The following LRP6 variants were observed in gnomAD, a reference collection of about 807,000 sequenced individuals.
LRP6 encodes the protein LDL receptor related protein 6.
Under a neutral mutation model 184.1 loss-of-function variants are expected in LRP6, and 43 were observed. The observed-to-expected ratio is 0.23, with a 90% confidence interval of 0.18 to 0.30. LRP6 has a LOEUF of 0.30. Among genes scored for constraint, LRP6 ranks in the 10% least tolerant of loss-of-function variants. The pLI is 1.00. For synonymous variants in LRP6, 719 were observed against 684.9 expected, an observed-to-expected ratio of 1.05 and a Z score of -0.78; for missense variants, 1,571 against 2,005.3, an observed-to-expected ratio of 0.78 and a Z score of 4.14.
At chr12:12,185,147 A>G (rs1177071604) in intron 4 of LRP6, among the ~76,000 whole-genome samples, 1 of 152,082 alleles carries the variant, frequency 6.6e-6, no homozygotes, top group African/African-American at 2.4e-5. Context: ...AAAAATACTA[A>G]AATTAGCCAG....
chr12:12,180,732 T>C (rs1408982029), intron 6 of LRP6, among the ~76,000 whole-genome samples: 3 of 151,974 alleles, frequency 2.0e-5, no homozygotes, highest in Non-Finnish European at 4.4e-5. Flanking sequence ...AGGGAAAGAG[T>C]TCTGAAAACA....
At chr12:12,205,885 G>A (rs1013772510) in intron 2 of LRP6, among the ~76,000 whole-genome samples, 5 of 152,176 alleles carry the variant, frequency 3.3e-5, no homozygotes, top group Non-Finnish European at 7.4e-5. Flanking sequence ...ATTAATACAG[G>A]ATAAAACTGT....
chr12:12,249,842 C>T (rs946736857), intron 1 of LRP6, among the ~76,000 whole-genome samples: 2 of 152,176 alleles, frequency 1.3e-5, no homozygotes, highest in Non-Finnish European at 2.9e-5. Flanking sequence ...ATCTCTACCT[C>T]CCGTTAAATT....
At chr12:12,177,052 T>C (rs1863207072) in intron 7 of LRP6, among the ~76,000 whole-genome samples, 1 of 152,056 alleles carries the variant, frequency 6.6e-6, no homozygotes, top group African/African-American at 2.4e-5. Context: ...TTCACCATGT[T>C]GGCCAGGCTG....
intron 2 of LRP6, among the ~76,000 whole-genome samples, chr12:12,232,575 T>TC (rs1864819321): frequency 9.6e-6 from 1 of 104,576 alleles, no homozygotes; most frequent in Admixed American, 1.2e-4. Flanking sequence ...TAAGCAAGAA[T>TC]CCAGCAGGTG....
intron 14 of LRP6, among the ~76,000 whole-genome samples, chr12:12,148,622 G>C (rs1467507982): frequency 2.0e-5 from 3 of 152,184 alleles, no homozygotes; most frequent in African/African-American, 4.8e-5. Context: ...TGAGTATTCA[G>C]GAGGGGGCAA....
At chr12:12,247,304 C>T (rs891691311) in intron 1 of LRP6, among the ~76,000 whole-genome samples, 1 of 152,182 alleles carries the variant, frequency 6.6e-6, no homozygotes, top group Non-Finnish European at 1.5e-5. Flanking sequence ...CTTTATGGCA[C>T]TATCTTGGAA....
At chr12:12,256,593 G>T (rs575259545) in intron 1 of LRP6, among the ~76,000 whole-genome samples, 17 of 152,228 alleles carry the variant, frequency 1.1e-4, no homozygotes, top group African/African-American at 3.9e-4. Context: ...GATCACTTGA[G>T]GTCAGGAGGT....
intron 3 of LRP6, among the ~76,000 whole-genome samples, chr12:12,192,673 AAG>A (rs1177320672): frequency 6.6e-6 from 1 of 152,036 alleles, no homozygotes; most frequent in Non-Finnish European, 1.5e-5. Flanking sequence ...TTTTATGAGA[AAG>A]AGTCATCAGG....
chr12:12,220,880 A>G (rs1285213933), intron 2 of LRP6, among the ~76,000 whole-genome samples: 1 of 152,190 alleles, frequency 6.6e-6, no homozygotes, highest in Non-Finnish European at 1.5e-5. Context: ...GATTACAGGC[A>G]TGAGCCACCA....
chr12:12,235,387 C>T (rs1565691598), intron 2 of LRP6, among the ~76,000 whole-genome samples: 1 of 152,104 alleles, frequency 6.6e-6, no homozygotes, highest in Non-Finnish European at 1.5e-5. Context: ...CTACATACAT[C>T]ATATATTTCC....
chr12:12,206,215 CTA>C (rs1864052997), intron 2 of LRP6, among the ~76,000 whole-genome samples: 1 of 152,116 alleles, frequency 6.6e-6, no homozygotes, highest in African/African-American at 2.4e-5. Context: ...CGACACATGA[CTA>C]TATATAGGAA....
At chr12:12,244,926 C>T (rs1408000595) in intron 1 of LRP6, among the ~76,000 whole-genome samples, 3 of 152,134 alleles carry the variant, frequency 2.0e-5, no homozygotes, top group Admixed American at 6.5e-5. Context: ...CCTGGCTATA[C>T]CAAGAATTGG....
At chr12:12,261,628 A>G (rs1241562847) in intron 1 of LRP6, among the ~76,000 whole-genome samples, 1 of 152,202 alleles carries the variant, frequency 6.6e-6, no homozygotes, top group Non-Finnish European at 1.5e-5. Flanking sequence ...AGGTTAAACA[A>G]AGTTAAAACC....
At chr12:12,139,251 T>G (rs1949895847) in intron 15 of LRP6, among the ~76,000 whole-genome samples, 1 of 152,218 alleles carries the variant, frequency 6.6e-6, no homozygotes, top group Non-Finnish European at 1.5e-5. Context: ...GCTGATATTT[T>G]GGAAGTATCA....
intron 15 of LRP6, among the ~76,000 whole-genome samples, chr12:12,142,738 C>A (rs1310693793): frequency 6.6e-6 from 1 of 151,872 alleles, no homozygotes; most frequent in Non-Finnish European, 1.5e-5. Flanking sequence ...CAAATCAAAT[C>A]CAGCAATAAA....
chr12:12,145,191 A>G (rs779906457), intron 15 of LRP6, among the ~76,000 whole-genome samples: 25 of 152,164 alleles, frequency 1.6e-4, no homozygotes, highest in Admixed American at 3.3e-4. Flanking sequence ...TAGAGGTGAT[A>G]TAAGAGACAG....
At position 12,216,014 on chromosome 12, in the gene LRP6, A is replaced by T. The variant is rs116854725; in HGVS notation, c.450-12614T>A. On this transcript the variant is annotated intron_variant, in intron 2 of 22. Coordinates refer to ENST00000261349, the MANE Select transcript of LRP6 (RefSeq NM_002336.3). ...GCGACAAGAGGGAAACTGCCTCAAAAAATAATAATAATAATGATCTATTTG... is the reference window on the plus strand; with the variant it reads ...GCGACAAGAGGGAAACTGCCTCAAATAATAATAATAATAATGATCTATTTG... Among the ~76,000 whole-genome samples, 190 of 152,174 alleles carry T rather than the reference A, an allele frequency of 1.2e-3. 2 individuals are homozygous for T. In the East Asian group the frequency reaches 0.034, roughly 27 times the overall value.
At chr12:12,171,531 TAAAATAAA>T (rs1203869113) in intron 7 of LRP6, among the ~76,000 whole-genome samples, 10 of 74,850 alleles carry the variant, frequency 1.3e-4, no homozygotes, top group Admixed American at 2.0e-4. Context: ...CAAAAAAAAA[TAAAATAAA>T]TAAATAAATA....
Sources: allele counts gnomAD v4.1 joint callset (sites outside exome capture counted in the v4.1 genomes callset), GRCh38; gene constraint gnomAD v4.1.1; transcripts MANE v1.5; gene names NCBI Gene and HGNC (gene_info 2026-07-23, HGNC 2026-07-21).